CCDC73: variants seen among roughly 807,000 people sequenced by gnomAD.
The protein encoded by CCDC73 is coiled-coil domain containing 73.
Under a neutral mutation model 116.5 loss-of-function variants are expected in CCDC73, and 95 were observed. The ratio of observed to expected loss-of-function variants is 0.82; its 90% CI spans 0.69 to 0.97. CCDC73 has a LOEUF of 0.97. CCDC73 is among the 50% of genes least tolerant of loss of function. The pLI, the probability that CCDC73 is intolerant of heterozygous loss-of-function variation, is 0.00. For missense variants in CCDC73, 1,066 were observed against 1,206.8 expected, an observed-to-expected ratio of 0.88 and a Z score of 1.73; for synonymous variants, 398 against 401.3, an observed-to-expected ratio of 0.99 and a Z score of 0.10.
At chr11:32,683,634 C>T (rs1856168417) in intron 6 of CCDC73, 60 bp from the exon 7 acceptor site, 2 of 1,021,980 alleles carry the variant, frequency 2.0e-6, no homozygotes, top group Non-Finnish European at 3.0e-6. Flanking sequence ...ACAAATTCCT[C>T]TGATATCAAA....
chr11:32,762,637 G>A (rs1417921605), intron 1 of CCDC73, among the ~76,000 whole-genome samples: 1 of 151,864 alleles, frequency 6.6e-6, no homozygotes. Context: ...GAGAAGAGGA[G>A]AAAGATGGCC....
chr11:32,671,305 T>C (rs1368876049), intron 9 of CCDC73, among the ~76,000 whole-genome samples: 3 of 151,980 alleles, frequency 2.0e-5, no homozygotes, highest in African/African-American at 7.2e-5. Context: ...TATCAGGAAT[T>C]CTTCATGATT....
At chr11:32,636,737 T>C (rs1855681972) in intron 13 of CCDC73, among the ~76,000 whole-genome samples, 1 of 151,874 alleles carries the variant, frequency 6.6e-6, no homozygotes, top group Non-Finnish European at 1.5e-5. Flanking sequence ...AGGTGTAAAC[T>C]CATGTTACTT....
chr11:32,673,035 C>A (rs755737287), intron 9 of CCDC73, among the ~76,000 whole-genome samples: 12 of 152,044 alleles, frequency 7.9e-5, no homozygotes, highest in Non-Finnish European at 1.6e-4. Context: ...GAAGGTACTG[C>A]TATCCAAAAT....
chr11:32,730,987 C>T (rs533636004), intron 2 of CCDC73, among the ~76,000 whole-genome samples: 2 of 152,296 alleles, frequency 1.3e-5, no homozygotes, highest in South Asian at 4.1e-4. Flanking sequence ...TCATCTCACC[C>T]GGGAAGCACA....
intron 10 of CCDC73, 98 bp from the exon 11 acceptor site, chr11:32,654,135 C>T (rs1215575747): frequency 1.3e-5 from 14 of 1,081,932 alleles, no homozygotes; most frequent in Non-Finnish European, 1.8e-5. Context: ...ATGACCTATT[C>T]CTACCCCCAG....
chr11:32,668,244 C>A (rs1856005904), intron 9 of CCDC73, among the ~76,000 whole-genome samples: 1 of 152,102 alleles, frequency 6.6e-6, no homozygotes, highest in Non-Finnish European at 1.5e-5. Flanking sequence ...TAATAAATGG[C>A]ATGAATATTT....
chr11:32,718,873 C>A (rs1849967593), intron 2 of CCDC73, among the ~76,000 whole-genome samples: 1 of 152,132 alleles, frequency 6.6e-6, no homozygotes, highest in South Asian at 2.1e-4. Flanking sequence ...GGAATACATG[C>A]TAGGCCCAGC....
chr11:32,632,879 T>C (rs1855644272), intron 14 of CCDC73, among the ~76,000 whole-genome samples: 1 of 152,170 alleles, frequency 6.6e-6, no homozygotes, highest in African/African-American at 2.4e-5. Context: ...TAAGTGCTTA[T>C]ATTAGAAAAG....
intron 14 of CCDC73, among the ~76,000 whole-genome samples, chr11:32,628,193 G>C (rs1409194767): frequency 1.3e-5 from 2 of 152,132 alleles, no homozygotes. Flanking sequence ...CGTTCTCTGA[G>C]AGAAAGAGGA....
chr11:32,738,002 C>T (rs1032378595), intron 2 of CCDC73, among the ~76,000 whole-genome samples: 2 of 152,160 alleles, frequency 1.3e-5, no homozygotes, highest in Admixed American at 6.5e-5. Context: ...CAGTTCCATC[C>T]GTGTTGTTGC....
At chr11:32,800,825 T>C in the CCDC73 span, among the ~76,000 whole-genome samples, 2 of 152,200 alleles carry the variant, frequency 1.3e-5, no homozygotes, top group South Asian at 4.1e-4. Context: ...AGTATAACCA[T>C]TTAATAAAAT....
intron 2 of CCDC73, among the ~76,000 whole-genome samples, chr11:32,730,105 T>A (rs1295212210): frequency 2.0e-5 from 3 of 152,222 alleles, no homozygotes; most frequent in East Asian, 1.9e-4. Context: ...CTCCTGCACA[T>A]CCTTGTAAAT....
At chr11:32,737,197 C>A (rs1321878503) in intron 2 of CCDC73, among the ~76,000 whole-genome samples, 1 of 147,088 alleles carries the variant, frequency 6.8e-6, no homozygotes, top group African/African-American at 2.5e-5. Flanking sequence ...TTAAAACATT[C>A]TTTATTTTTA....
intron 14 of CCDC73, among the ~76,000 whole-genome samples, chr11:32,633,196 T>C (rs1342183095): frequency 6.6e-6 from 1 of 152,170 alleles, no homozygotes; most frequent in East Asian, 1.9e-4. Flanking sequence ...CCACTGCACC[T>C]GGCCCAAAAC....
chr11:32,661,231 T>C (rs143119464), intron 9 of CCDC73, among the ~76,000 whole-genome samples: 1 of 152,320 alleles, frequency 6.6e-6, no homozygotes, highest in Non-Finnish European at 1.5e-5. Flanking sequence ...GCATGAATTG[T>C]CAAAAATGTC....
At chr11:32,656,825 T>G (rs1855878260) in intron 9 of CCDC73, among the ~76,000 whole-genome samples, 1 of 150,048 alleles carries the variant, frequency 6.7e-6, no homozygotes, top group Non-Finnish European at 1.5e-5. Flanking sequence ...TTTTTAAAGG[T>G]CTTAAGAACT....
intron 9 of CCDC73, among the ~76,000 whole-genome samples, chr11:32,670,137 A>G (rs898708043): frequency 2.6e-5 from 4 of 152,232 alleles, no homozygotes; most frequent in African/African-American, 9.6e-5. Flanking sequence ...GAAAACCAGC[A>G]ATAATTCCTT....
At chr11:32,764,451 C>T (rs1440342551) in intron 1 of CCDC73, among the ~76,000 whole-genome samples, 1 of 152,136 alleles carries the variant, frequency 6.6e-6, no homozygotes, top group East Asian at 1.9e-4. Flanking sequence ...AGACTGTGGG[C>T]CAATATTCAA....
Sources: allele counts gnomAD v4.1 joint callset (sites outside exome capture counted in the v4.1 genomes callset), GRCh38; gene constraint gnomAD v4.1.1; transcripts MANE v1.5; gene names NCBI Gene and HGNC (gene_info 2026-07-23, HGNC 2026-07-21).